PCDH15: variants seen among roughly 807,000 people sequenced by gnomAD.
PCDH15 encodes protocadherin related 15.
In PCDH15, 129 loss-of-function variants were observed where a neutral mutation model predicts 178.5. The observed-to-expected ratio is 0.72, with a 90% CI of 0.63 to 0.84. The LOEUF is 0.84. PCDH15 is among the 40% of genes least tolerant of loss of function. PCDH15 has a pLI of 0.00. For missense variants in PCDH15, 2,230 were observed against 2,099.9 expected, an observed-to-expected ratio of 1.06 and a Z score of -1.21; for synonymous variants, 800 against 732.0, an observed-to-expected ratio of 1.09 and a Z score of -1.50.
chr10:54,237,397 TAA>T (rs759426694), intron 8 of PCDH15, among the ~76,000 whole-genome samples: 45 of 152,194 alleles, frequency 3.0e-4, no homozygotes, highest in African/African-American at 1.0e-3. Context: ...TTCATAAAAA[TAA>T]AAGTCACATT....
intron 20 of PCDH15, among the ~76,000 whole-genome samples, chr10:54,005,467 A>G (rs899824807): frequency 7.9e-5 from 12 of 152,178 alleles, no homozygotes; most frequent in African/African-American, 2.7e-4. Flanking sequence ...GTAAGAAAAT[A>G]TCTAGTAATC....
intron 2 of PCDH15, among the ~76,000 whole-genome samples, chr10:54,928,620 G>A (rs969941979): frequency 3.3e-5 from 5 of 152,142 alleles, no homozygotes; most frequent in Admixed American, 6.5e-5. Flanking sequence ...ATTTCTTGGC[G>A]GTTTCGTTCA....
At chr10:55,152,142 TG>T (rs1345436512) in intron 2 of PCDH15, among the ~76,000 whole-genome samples, 3 of 152,122 alleles carry the variant, frequency 2.0e-5, no homozygotes, top group Non-Finnish European at 4.4e-5. Flanking sequence ...TGATTACAGA[TG>T]GGTGCCAAAA....
chr10:54,715,477 G>A (rs185147256), intron 1 of PCDH15, among the ~76,000 whole-genome samples: 277 of 152,238 alleles, frequency 1.8e-3, no homozygotes, highest in African/African-American at 6.6e-3. Flanking sequence ...TTTAATTCAC[G>A]AAGGAAAGTG....
chr10:54,037,868 G>T (rs957957830), intron 18 of PCDH15, among the ~76,000 whole-genome samples: 3 of 152,032 alleles, frequency 2.0e-5, no homozygotes, highest in African/African-American at 7.2e-5. Context: ...AACATGACAA[G>T]TGTGAACCAC....
chr10:55,459,054 T>G (rs1307196725), intron 2 of PCDH15, among the ~76,000 whole-genome samples: 1 of 151,932 alleles, frequency 6.6e-6, no homozygotes. Context: ...GGTGCTAGGT[T>G]TGACTTAAGA....
rs1317170888 is a variant in PCDH15 at position 55,334,236 on chromosome 10, ATATATATG to A, written c.-155-167593_-155-167586del. The stretch of plus-strand genomic sequence containing the variant: ...TAGGGTGCTCCATATATATATATAT[ATATATATG>A]TGTGTGTGTGTGTGTGTGTGTGTGT... On this transcript the variant is annotated intron_variant, in intron 2 of 5. Coordinates refer to the PCDH15 transcript ENST00000613346. Among the ~76,000 whole-genome samples, 567 of 105,324 alleles carry A rather than the reference ATATATATG, an allele frequency of 5.4e-3. 1 individual carries two copies. The highest frequency in any genetic ancestry group is 7.1e-3 in the Non-Finnish European group (406 of 57,046). The allele number at this position is 105,324 out of a possible 152,430, so 69.1% of individuals were successfully genotyped here.
In PCDH15 at chr10:54,146,536, G is replaced by A. The variant is rs989376187; in HGVS notation, c.1784+6564C>T. ...TAAAGAATATCCCAAAATAACTTAA[G>A]TGTTTTTTAAAAGCTTTTGGTTTTT... On this transcript the variant is annotated intron_variant, in intron 14 of 37. Coordinates refer to ENST00000644397, the MANE Select transcript of PCDH15 (RefSeq NM_001384140.1). Among the ~76,000 whole-genome samples, 4 of 151,638 alleles carry A rather than the reference G, an allele frequency of 2.6e-5. No individual in the cohort carries two copies. The East Asian group carries it at 5.8e-4, about 22-fold the overall frequency.
chr10:54,623,973 C>T (rs536817458), intron 2 of PCDH15, among the ~76,000 whole-genome samples: 2 of 152,042 alleles, frequency 1.3e-5, no homozygotes, highest in Admixed American at 6.6e-5. Context: ...ATTAATTTAT[C>T]AAGATTAACT....
chr10:54,212,972 T>C (rs1399294390), intron 10 of PCDH15, among the ~76,000 whole-genome samples: 3 of 152,176 alleles, frequency 2.0e-5, no homozygotes, highest in Middle Eastern at 3.2e-3. Context: ...AACAGTTCAA[T>C]GAAAAATGCA....
chr10:54,860,227 G>T (rs1051011599), intron 3 of PCDH15, among the ~76,000 whole-genome samples: 3 of 152,016 alleles, frequency 2.0e-5, no homozygotes, highest in Non-Finnish European at 4.4e-5. Flanking sequence ...GAGGATTGTG[G>T]TACAACTGAT....
intron 17 of PCDH15, among the ~76,000 whole-genome samples, chr10:54,070,048 C>T (rs1357821344): frequency 6.6e-6 from 1 of 152,146 alleles, no homozygotes; most frequent in Non-Finnish European, 1.5e-5. Flanking sequence ...ATTCCACTAG[C>T]TGGAAATACT....
chr10:54,912,561 G>T (rs1461671439), intron 2 of PCDH15, among the ~76,000 whole-genome samples: 1 of 152,116 alleles, frequency 6.6e-6, no homozygotes, highest in Non-Finnish European at 1.5e-5. Flanking sequence ...AAAATTATGA[G>T]CCATTTAATC....
chr10:54,533,570 C>T (rs1043720871), intron 2 of PCDH15, among the ~76,000 whole-genome samples: 1 of 152,124 alleles, frequency 6.6e-6, no homozygotes, highest in African/African-American at 2.4e-5. Flanking sequence ...TTTTACCAAA[C>T]TGTATCTTAA....
chr10:54,550,070 C>T (rs2086378099), intron 2 of PCDH15, among the ~76,000 whole-genome samples: 2 of 152,082 alleles, frequency 1.3e-5, no homozygotes, highest in African/African-American at 2.4e-5. Context: ...ACAGACGCTC[C>T]AAAACAAATG....
In PCDH15 at chr10:55,095,515, G is replaced by A. The variant is rs139073011; in HGVS notation, c.-80+71061C>T. Among the ~76,000 whole-genome samples, 470 of 151,646 alleles carry A rather than the reference G, an allele frequency of 3.1e-3. 10 individuals are homozygous for A. Among genetic ancestry groups the A allele is most frequent in the African/African-American group, 0.01 (428 of 41,374 alleles). On this transcript the variant is annotated intron_variant, in intron 2 of 5. Coordinates refer to the PCDH15 transcript ENST00000458638. ...CTCAAATACAACTAAAATCTTCCAC[G>A]CTCTTGTCCTTCTTTTCTTTCTACC...
At chr10:54,274,376 A>G (rs912306936) in intron 8 of PCDH15, among the ~76,000 whole-genome samples, 6 of 151,970 alleles carry the variant, frequency 3.9e-5, no homozygotes, top group African/African-American at 1.4e-4. Context: ...CCTAGTCAAC[A>G]TTTTACAAAG....
chr10:54,312,327 T>C (rs556504326), intron 8 of PCDH15, among the ~76,000 whole-genome samples: 1 of 152,066 alleles, frequency 6.6e-6, no homozygotes, highest in African/African-American at 2.4e-5. Flanking sequence ...TACATAACAA[T>C]GTACATAAAA....
chr10:54,792,841 C>A lies in PCDH15; in HGVS notation c.-29+8084G>T, dbSNP rs577768782. ...TATCTCCAGAGAACCCTGACAAATA[C>A]AGTAATATAGCCAGGTTGAGCACTG... On this transcript the variant is annotated intron_variant, in intron 1 of 37. Transcript: ENST00000644397. Among the ~76,000 whole-genome samples, 12 of 151,874 alleles carry A rather than the reference C, an allele frequency of 7.9e-5. No homozygotes were observed. The South Asian group carries it at 2.5e-3, about 32-fold the overall frequency.
Sources: allele counts gnomAD v4.1 joint callset (sites outside exome capture counted in the v4.1 genomes callset), GRCh38; gene constraint gnomAD v4.1.1; transcripts MANE v1.5; gene names NCBI Gene and HGNC (gene_info 2026-07-23, HGNC 2026-07-21).